LYPLAL1: variants seen among roughly 807,000 people sequenced by gnomAD.
LYPLAL1 encodes the protein lysophospholipase like 1.
In LYPLAL1, 23 loss-of-function variants were observed where a neutral mutation model predicts 19.7. The observed-to-expected ratio is 1.17, with a 90% CI of 0.84 to 1.65. The LOEUF is 1.65. LYPLAL1 is among the 40% of genes most tolerant of loss of function. The pLI, the probability that LYPLAL1 is intolerant of heterozygous loss-of-function variation, is 0.00. For missense variants in LYPLAL1, 355 were observed against 279.4 expected (o/e 1.27, Z -1.93); for synonymous variants, 119 against 96.3 (o/e 1.24, Z -1.38).
the LYPLAL1 span, among the ~76,000 whole-genome samples, chr1:219,318,356 C>T: frequency 6.6e-6 from 1 of 152,076 alleles, no homozygotes; most frequent in South Asian, 2.1e-4. Flanking sequence ...GCACCCTAAG[C>T]AAACACCTGT....
At chr1:219,258,771 G>A in the LYPLAL1 span, among the ~76,000 whole-genome samples, 1 of 151,906 alleles carries the variant, frequency 6.6e-6, no homozygotes, top group African/African-American at 2.4e-5. Context: ...TAAATAGATG[G>A]GCCTTAATTA....
intron 2 of LYPLAL1, among the ~76,000 whole-genome samples, chr1:219,182,175 T>C (rs930752732): frequency 1.3e-5 from 2 of 152,174 alleles, no homozygotes; most frequent in Non-Finnish European, 2.9e-5. Context: ...TTTTAACTAA[T>C]GAGTCTCAAA....
the LYPLAL1 span, among the ~76,000 whole-genome samples, chr1:219,257,531 G>C: frequency 6.6e-6 from 1 of 151,944 alleles, no homozygotes; most frequent in African/African-American, 2.4e-5. Flanking sequence ...ATCACATATC[G>C]GTAGGTCTGT....
intron 2 of LYPLAL1, among the ~76,000 whole-genome samples, chr1:219,191,316 A>T (rs896465344): frequency 6.6e-6 from 1 of 151,620 alleles, no homozygotes; most frequent in Admixed American, 6.6e-5. Context: ...TTAATGAAGC[A>T]TATTTCTTAG....
At chr1:219,408,016 C>T in the LYPLAL1 span, among the ~76,000 whole-genome samples, 2 of 152,106 alleles carry the variant, frequency 1.3e-5, no homozygotes, top group Non-Finnish European at 2.9e-5. Context: ...CCAATGCGAA[C>T]ACATTGGGGC....
the LYPLAL1 span, among the ~76,000 whole-genome samples, chr1:219,388,416 G>C: frequency 6.6e-6 from 1 of 152,098 alleles, no homozygotes; most frequent in Non-Finnish European, 1.5e-5. Context: ...ATAAGTTACA[G>C]GTTGTTATTA....
the LYPLAL1 span, among the ~76,000 whole-genome samples, chr1:219,279,077 G>A: frequency 3.9e-5 from 6 of 152,262 alleles, no homozygotes; most frequent in East Asian, 5.8e-4. Flanking sequence ...GAATGCTCCC[G>A]TGTGACTGTC....
the LYPLAL1 span, among the ~76,000 whole-genome samples, chr1:219,254,051 T>C: frequency 6.6e-6 from 1 of 152,124 alleles, no homozygotes; most frequent in Non-Finnish European, 1.5e-5. Flanking sequence ...TTTGTCTTTT[T>C]GGATCTTTGT....
the LYPLAL1 span, among the ~76,000 whole-genome samples, chr1:219,276,821 A>T: frequency 0.018 from 2,781 of 152,270 alleles, 80 homozygotes; most frequent in African/African-American, 0.061. Flanking sequence ...CACATATGGG[A>T]CACCGCAACC....
chr1:219,247,819 T>A, the LYPLAL1 span, among the ~76,000 whole-genome samples: 7 of 152,172 alleles, frequency 4.6e-5, no homozygotes, highest in Non-Finnish European at 7.3e-5. Flanking sequence ...ACTTTTTTTT[T>A]ATTAAAGCCT....
At chr1:219,438,996 G>C in the LYPLAL1 span, among the ~76,000 whole-genome samples, 2 of 152,050 alleles carry the variant, frequency 1.3e-5, no homozygotes, top group Admixed American at 6.6e-5. Context: ...TGATATATAA[G>C]ATGTTTCATC....
At chr1:219,415,400 A>C in the LYPLAL1 span, among the ~76,000 whole-genome samples, 1 of 152,238 alleles carries the variant, frequency 6.6e-6, no homozygotes, top group East Asian at 1.9e-4. Flanking sequence ...TAAATAATGC[A>C]GTGATACATT....
chr1:219,251,381 G>C, the LYPLAL1 span, among the ~76,000 whole-genome samples: 1 of 151,946 alleles, frequency 6.6e-6, no homozygotes, highest in Non-Finnish European at 1.5e-5. Context: ...GTATTGCCTA[G>C]GTTGTCTTCT....
chr1:219,429,550 G>C, the LYPLAL1 span, among the ~76,000 whole-genome samples: 1 of 152,078 alleles, frequency 6.6e-6, no homozygotes. Context: ...TCCACCACTT[G>C]GGGGGCTGAG....
At chr1:219,315,463 A>G in the LYPLAL1 span, among the ~76,000 whole-genome samples, 7 of 152,340 alleles carry the variant, frequency 4.6e-5, no homozygotes, top group East Asian at 1.3e-3. Context: ...TGCACATCAA[A>G]TAGCTCTTAC....
At chr1:219,258,922 A>T in the LYPLAL1 span, among the ~76,000 whole-genome samples, 4 of 152,130 alleles carry the variant, frequency 2.6e-5, no homozygotes, top group Non-Finnish European at 5.9e-5. Context: ...ATCTGCAAGA[A>T]AAAAACAAAT....
the LYPLAL1 span, among the ~76,000 whole-genome samples, chr1:219,248,020 C>T: frequency 2.0e-5 from 3 of 151,946 alleles, no homozygotes; most frequent in Non-Finnish European, 4.4e-5. Flanking sequence ...AACACTATAC[C>T]ACTTCTCAAA....
the LYPLAL1 span, among the ~76,000 whole-genome samples, chr1:219,346,586 G>A: frequency 6.6e-6 from 1 of 151,994 alleles, no homozygotes; most frequent in Non-Finnish European, 1.5e-5. Flanking sequence ...GGAAAAGAAT[G>A]AAAAGATAGG....
At chr1:219,293,744 C>G in the LYPLAL1 span, among the ~76,000 whole-genome samples, 1 of 152,112 alleles carries the variant, frequency 6.6e-6, no homozygotes, top group Non-Finnish European at 1.5e-5. Flanking sequence ...TAAAAAATAG[C>G]TTAGGTATCT....
Sources: gnomAD v4.1 joint callset for allele counts (sites outside exome capture counted in the v4.1 genomes callset) on GRCh38, gnomAD v4.1.1 for gene constraint, MANE v1.5 for transcripts, NCBI Gene and HGNC (gene_info 2026-07-23, HGNC 2026-07-21) for gene names.